The following PDE3A variants were observed in gnomAD, a reference collection of about 807,000 sequenced individuals.
PDE3A encodes the protein cGMP-inhibited 3',5'-cyclic phosphodiesterase 3A.
In PDE3A, 43 loss-of-function variants were observed where a neutral mutation model predicts 98.3. The observed-to-expected ratio is 0.44, with a 90% CI of 0.34 to 0.56. The LOEUF (loss-of-function observed/expected upper bound fraction) is 0.56, where lower values mean the gene tolerates loss of function less well. Ranked by LOEUF, PDE3A falls within the 20% of genes least tolerant of loss-of-function variation. The pLI is 0.01. For synonymous variants in PDE3A, 663 were observed against 567.9 expected, an observed-to-expected ratio of 1.17 and a Z score of -2.38; for missense variants, 1,427 against 1,440.7, an observed-to-expected ratio of 0.99 and a Z score of 0.15.
chr12:20,570,608 G>A (rs1432049580), intron 2 of PDE3A, among the ~76,000 whole-genome samples: 1 of 152,026 alleles, frequency 6.6e-6, no homozygotes, highest in Non-Finnish European at 1.5e-5. Flanking sequence ...ATATGAAATA[G>A]GTTAAATGAT....
intron 2 of PDE3A, among the ~76,000 whole-genome samples, chr12:20,578,812 G>A (rs554874827): frequency 6.6e-6 from 1 of 152,218 alleles, no homozygotes; most frequent in East Asian, 1.9e-4. Context: ...CATTGGAAAG[G>A]ATGCCGTCCT....
At position 20,681,703 on chromosome 12, in the gene PDE3A, G is replaced by A. The variant is rs188177288; in HGVS notation, c.*1432G>A. 6.6e-6 allele frequency: 1 copy of A among 152,018 alleles called. No individual in the cohort carries two copies. The highest frequency in any genetic ancestry group is 6.5e-5 in the Admixed American group (1 of 15,280). 9.4% of individuals were successfully genotyped at this position (152,018 alleles called of 1,614,324 possible). On this transcript the variant is annotated 3_prime_UTR_variant, in exon 16 of 16. Transcript: ENST00000359062. ...TTATAGAGAGATTGTTTGAAGATTG[G>A]GTTATTATTGAAAGTCTTTTTTTTT... is the stretch of plus-strand genomic sequence containing the variant.
At position 20,684,691 on chromosome 12, in the gene PDE3A, A is replaced by G. The variant is rs1178504456; in HGVS notation, c.*4420A>G. 1.3e-5 allele frequency among the ~76,000 whole-genome samples: 2 copies of G among 152,224 alleles called. No homozygotes were observed. Among genetic ancestry groups the G allele is most frequent in the African/African-American group, 4.8e-5 (2 of 41,466 alleles). On this transcript the variant is annotated 3_prime_UTR_variant, in exon 16 of 16. Coordinates refer to ENST00000359062, the MANE Select transcript of PDE3A (RefSeq NM_000921.5). ...TCAACAAAATTCAATTTTAAGATTAAGAAATCAGCAATTTTAGGTAAAGAA... is the reference window on the plus strand; with the variant it reads ...TCAACAAAATTCAATTTTAAGATTAGGAAATCAGCAATTTTAGGTAAAGAA...
chr12:20,456,193 A>G (rs1370344673), intron 1 of PDE3A, among the ~76,000 whole-genome samples: 1 of 152,116 alleles, frequency 6.6e-6, no homozygotes, highest in African/African-American at 2.4e-5. Flanking sequence ...AATTGGAAGC[A>G]TTTACTACGT....
At chr12:20,516,237 G>C (rs1031569565) in intron 1 of PDE3A, among the ~76,000 whole-genome samples, 1 of 152,072 alleles carries the variant, frequency 6.6e-6, no homozygotes, top group African/African-American at 2.4e-5. Context: ...ATTCATTTTG[G>C]TGAAGTCTCT....
At chr12:20,643,003 G>A (rs1468284840) in intron 10 of PDE3A, among the ~76,000 whole-genome samples, 1 of 152,162 alleles carries the variant, frequency 6.6e-6, no homozygotes, top group East Asian at 1.9e-4. Context: ...TCAACTCTGT[G>A]CTTGAGGGAA....
At chr12:20,667,266 T>G (rs969532280) in intron 15 of PDE3A, among the ~76,000 whole-genome samples, 1 of 152,262 alleles carries the variant, frequency 6.6e-6, no homozygotes, top group African/African-American at 2.4e-5. Context: ...ATACAGAAGG[T>G]TTTCGTTTTT....
In PDE3A at chr12:20,517,839, C is replaced by CA. The variant is rs1430370845; in HGVS notation, c.961-38818dup. ...GCACACCAATCTCTCGCTAACTTGA[C>CA]AAATGCACATTCCTAGGTCCCAACC... On this transcript the variant is annotated intron_variant, in intron 1 of 15. Coordinates refer to ENST00000359062, the MANE Select transcript of PDE3A (RefSeq NM_000921.5). Among the ~76,000 whole-genome samples, 6 of 152,274 alleles carry CA rather than the reference C, an allele frequency of 3.9e-5. No individual in the cohort carries two copies. The East Asian group carries it at 1.2e-3, about 29-fold the overall frequency.
At chr12:20,664,468 A>G (rs552095372) in intron 15 of PDE3A, among the ~76,000 whole-genome samples, 1 of 151,982 alleles carries the variant, frequency 6.6e-6, no homozygotes, top group East Asian at 1.9e-4. Flanking sequence ...TGTTCAGAAT[A>G]CCTCTATTCA....
Position 20,643,463 on chromosome 12 carries a change from G to T in PDE3A, c.2252-3027G>T, listed in dbSNP as rs138887736. On this transcript the variant is annotated intron_variant, in intron 10 of 15. Transcript: ENST00000359062. ...GCACTTGGCATAATACTGAGTACATGCTAAGTGAATATTTGATTAATAAAC... is the reference window on the plus strand; with the variant it reads ...GCACTTGGCATAATACTGAGTACATTCTAAGTGAATATTTGATTAATAAAC... Among the ~76,000 whole-genome samples, 34 of 152,298 alleles carry T rather than the reference G, an allele frequency of 2.2e-4. No individual in the cohort carries two copies. The East Asian group carries it at 5.8e-3, about 26-fold the overall frequency.
intron 5 of PDE3A, among the ~76,000 whole-genome samples, chr12:20,626,301 A>G (rs1247712614): frequency 6.6e-6 from 1 of 151,770 alleles, no homozygotes; most frequent in Non-Finnish European, 1.5e-5. Flanking sequence ...CAAAATATGC[A>G]TGCACATCCT....
intron 2 of PDE3A, among the ~76,000 whole-genome samples, chr12:20,601,155 G>GC (rs1943581532): frequency 6.6e-6 from 1 of 152,170 alleles, no homozygotes; most frequent in South Asian, 2.1e-4. Flanking sequence ...AGGTGCTATT[G>GC]CAACGAGGAT....
At chr12:20,422,594 A>G (rs1010741479) in intron 1 of PDE3A, among the ~76,000 whole-genome samples, 2 of 152,212 alleles carry the variant, frequency 1.3e-5, no homozygotes, top group Admixed American at 6.5e-5. Flanking sequence ...ATTCTCTATC[A>G]GAAAAACACC....
intron 1 of PDE3A, among the ~76,000 whole-genome samples, chr12:20,461,693 G>A (rs1014068720): frequency 2.6e-5 from 4 of 152,066 alleles, no homozygotes; most frequent in Non-Finnish European, 5.9e-5. Flanking sequence ...TGGTGATGAC[G>A]ATTATTATTG....
chr12:20,581,477 T>G (rs1436062906), intron 2 of PDE3A, among the ~76,000 whole-genome samples: 1 of 152,200 alleles, frequency 6.6e-6, no homozygotes, highest in Non-Finnish European at 1.5e-5. Flanking sequence ...ACCATTTACT[T>G]TTTTTCTCAT....
rs112300361 is a variant in PDE3A at position 20,419,256 on chromosome 12, G to A, written c.960+49012G>A. Among the ~76,000 whole-genome samples, 799 of 151,548 alleles carry A rather than the reference G, an allele frequency of 5.3e-3. 9 individuals are homozygous for A. Among genetic ancestry groups the A allele is most frequent in the African/African-American group, 0.018 (750 of 41,432 alleles). On this transcript the variant is annotated intron_variant, in intron 1 of 15. Coordinates refer to ENST00000359062, the MANE Select transcript of PDE3A (RefSeq NM_000921.5). Reference sequence around the variant, plus strand: ...CTGAAGGTGGCTTTTCTTAAATGCCGTTTCTTTTTTATTTTATTTTTTTTG... The same window carrying A: ...CTGAAGGTGGCTTTTCTTAAATGCCATTTCTTTTTTATTTTATTTTTTTTG...
intron 1 of PDE3A, among the ~76,000 whole-genome samples, chr12:20,436,160 G>T (rs921792565): frequency 1.3e-5 from 2 of 152,032 alleles, no homozygotes; most frequent in African/African-American, 4.8e-5. Flanking sequence ...AAATCCCCAC[G>T]TTTATTGTAT....
At chr12:20,667,512 C>T (rs1231830178) in intron 15 of PDE3A, among the ~76,000 whole-genome samples, 1 of 152,142 alleles carries the variant, frequency 6.6e-6, no homozygotes, top group South Asian at 2.1e-4. Flanking sequence ...TTTCCCAGCA[C>T]CACTTATTAA....
intron 9 of PDE3A, among the ~76,000 whole-genome samples, chr12:20,638,057 T>A (rs886710239): frequency 1.3e-5 from 2 of 152,254 alleles, no homozygotes; most frequent in Admixed American, 6.5e-5. Flanking sequence ...AACTTGTGAA[T>A]ATAAGACTTA....
Sources: allele counts gnomAD v4.1 joint callset (sites outside exome capture counted in the v4.1 genomes callset), GRCh38; gene constraint gnomAD v4.1.1; transcripts MANE v1.5; gene names NCBI Gene and HGNC (gene_info 2026-07-23, HGNC 2026-07-21).